DENND5B: variants seen among roughly 807,000 people sequenced by gnomAD.
DENND5B encodes DENN domain-containing protein 5B.
In DENND5B, 34 loss-of-function variants were observed where a neutral mutation model predicts 140.6. The ratio of observed to expected loss-of-function variants is 0.24; its 90% CI spans 0.18 to 0.32. DENND5B has a LOEUF of 0.32. Among genes scored for constraint, DENND5B ranks in the 10% least tolerant of loss-of-function variants. The probability of loss-of-function intolerance (pLI) is 1.00; values close to 1 mark genes in which losing one functional copy is unlikely to be tolerated. For missense variants in DENND5B, 1,142 were observed against 1,560.2 expected (o/e 0.73, Z 4.52); for synonymous variants, 551 against 562.1 (o/e 0.98, Z 0.28).
At chr12:31,578,018 T>C (rs912147412) in intron 1 of DENND5B, among the ~76,000 whole-genome samples, 2 of 151,510 alleles carry the variant, frequency 1.3e-5, no homozygotes, top group South Asian at 2.1e-4. Flanking sequence ...TCCCAGCTAT[T>C]TGGGGGACTG....
intron 1 of DENND5B, among the ~76,000 whole-genome samples, chr12:31,504,413 G>A (rs1947117627): frequency 6.6e-6 from 1 of 152,144 alleles, no homozygotes; most frequent in Non-Finnish European, 1.5e-5. Context: ...CTGGCCTTCT[G>A]GTTGCTTCAC....
intron 1 of DENND5B, among the ~76,000 whole-genome samples, chr12:31,566,383 T>A (rs1162394001): frequency 6.8e-6 from 1 of 147,624 alleles, no homozygotes; most frequent in Non-Finnish European, 1.5e-5. Context: ...ATTCAAGCAA[T>A]ACTTTTATTA....
chr12:31,482,807 T>C (rs1176203037), intron 2 of DENND5B, among the ~76,000 whole-genome samples: 2 of 152,178 alleles, frequency 1.3e-5, no homozygotes, highest in African/African-American at 4.8e-5. Context: ...TTGTCCCCCA[T>C]AATCTATTTC....
chr12:31,586,609 TA>T (rs1355022666), intron 1 of DENND5B, among the ~76,000 whole-genome samples: 1 of 152,212 alleles, frequency 6.6e-6, no homozygotes, highest in Non-Finnish European at 1.5e-5. Context: ...TAGGAGGGTC[TA>T]AAAACCATTT....
chr12:31,526,496 C>T (rs186154061), intron 1 of DENND5B, among the ~76,000 whole-genome samples: 5 of 152,144 alleles, frequency 3.3e-5, no homozygotes, highest in African/African-American at 4.8e-5. Context: ...CCTTTCCTTC[C>T]TTTAGAAATA....
chr12:31,492,791 A>G (rs2138701381), intron 2 of DENND5B, among the ~76,000 whole-genome samples: 1 of 152,340 alleles, frequency 6.6e-6, no homozygotes, highest in Admixed American at 6.5e-5. Context: ...GGACTCTTCC[A>G]AGTCTTATAA....
chr12:31,541,511 C>T (rs895692218), intron 1 of DENND5B, among the ~76,000 whole-genome samples: 1 of 152,120 alleles, frequency 6.6e-6, no homozygotes, highest in African/African-American at 2.4e-5. Flanking sequence ...TAATCTCATC[C>T]CAGTTAAAAT....
Position 31,398,212 on chromosome 12 carries a change from CCT to C in DENND5B, c.3217_3218del (p.Arg1073GlufsTer36). On this transcript the variant is annotated frameshift_variant, in exon 17 of 21. Transcript: ENST00000389082. LOFTEE classifies it high-confidence loss of function. ...CTGTCAGTGAAGTGATGCTCAATCT[CCT>C]AGCCGTGGTGGGTGACTTCTGCTGG... ...PPQQKSPTTA[R>X]RLSITSLTGK... 2 of 1,605,038 alleles carry C rather than the reference CCT, an allele frequency of 1.2e-6. No homozygotes were observed. Among genetic ancestry groups the C allele is most frequent in the East Asian group, 4.5e-5 (2 of 44,594 alleles).
rs1319902784 is a variant in DENND5B at position 31,384,762 on chromosome 12, G to A, written c.*2841C>T. 6.6e-6 allele frequency: 1 copy of A among 151,536 alleles called. No homozygotes were observed. Among genetic ancestry groups the A allele is most frequent in the East Asian group, 1.9e-4 (1 of 5,190 alleles). The allele number at this position is 151,536 out of a possible 1,614,324, so 9.4% of individuals were successfully genotyped here. On this transcript the variant is annotated 3_prime_UTR_variant, in exon 21 of 21. Coordinates refer to ENST00000389082, the MANE Select transcript of DENND5B (RefSeq NM_144973.4). ...GGCCGCAAATCCAACTTTGGCTGCA[G>A]TTTTTTTCTTTTTTTTTTTTTGAGA... is the stretch of plus-strand genomic sequence containing the variant.
At position 31,415,404 on chromosome 12, in the gene DENND5B, AC is replaced by A; in HGVS notation, c.2514del (p.Met838IlefsTer13). 6.2e-7 allele frequency: 1 copy of A among 1,610,844 alleles called. No homozygotes were observed. The highest frequency in any genetic ancestry group is 8.5e-7 in the Non-Finnish European group (1 of 1,178,346). On this transcript the variant is annotated frameshift_variant, in exon 12 of 21. Transcript: ENST00000389082. LOFTEE classifies it high-confidence loss of function. ...ATAAGAGAGACCCTGAGCGTTGGCA[AC>A]ATAACTCCTGAGTCAGATTTTCTTC... is the stretch of plus-strand genomic sequence containing the variant. Reference protein sequence around the residue: ...PERRKSDSGVMLPTLRVSLIQ... With the variant: ...PERRKSDSGVXLPTLRVSLIQ...
At chr12:31,528,594 G>A (rs748132628) in intron 1 of DENND5B, among the ~76,000 whole-genome samples, 1 of 152,138 alleles carries the variant, frequency 6.6e-6, no homozygotes, top group Non-Finnish European at 1.5e-5. Flanking sequence ...GCAATAATAC[G>A]AACAGACCAA....
chr12:31,578,603 A>G (rs1416494763), intron 1 of DENND5B, among the ~76,000 whole-genome samples: 1 of 152,214 alleles, frequency 6.6e-6, no homozygotes, highest in Non-Finnish European at 1.5e-5. Context: ...TAAAAATAAT[A>G]TCATTAGAGG....
At chr12:31,574,267 A>AAAT (rs60548839) in intron 1 of DENND5B, among the ~76,000 whole-genome samples, 1,197 of 89,712 alleles carry the variant, frequency 0.013, 13 homozygotes, top group African/African-American at 0.028. Flanking sequence ...TGTCTCTAAA[A>AAAT]AATAATAATA....
chr12:31,424,095 G>A (rs143729397), intron 10 of DENND5B, among the ~76,000 whole-genome samples: 2 of 152,086 alleles, frequency 1.3e-5, no homozygotes, highest in Admixed American at 6.6e-5. Flanking sequence ...GAAAAAAATC[G>A]AGGTGAGAGG....
chr12:31,441,055 T>G (rs985764815), intron 7 of DENND5B, among the ~76,000 whole-genome samples: 21 of 151,518 alleles, frequency 1.4e-4, no homozygotes, highest in African/African-American at 5.1e-4. Context: ...AAAAAATTTT[T>G]GTAGGGGCTT....
intron 3 of DENND5B, among the ~76,000 whole-genome samples, chr12:31,467,075 A>G (rs2138351172): frequency 6.6e-6 from 1 of 152,218 alleles, no homozygotes; most frequent in South Asian, 2.1e-4. Flanking sequence ...TAAGAGAAAA[A>G]AACTTTTAAC....
intron 1 of DENND5B, among the ~76,000 whole-genome samples, chr12:31,530,141 G>A (rs891007917): frequency 4.6e-5 from 7 of 152,146 alleles, no homozygotes; most frequent in Admixed American, 6.6e-5. Flanking sequence ...GGGAGGCAGC[G>A]GCGGGCAGAT....
At position 31,436,653 on chromosome 12, in the gene DENND5B, G is replaced by A. The variant is rs1408691799; in HGVS notation, c.2013-3405C>T. On this transcript the variant is annotated intron_variant, in intron 7 of 20. Coordinates refer to ENST00000389082, the MANE Select transcript of DENND5B (RefSeq NM_144973.4). ...AGGTTCAAGCAATTCTCCTGCCTCA[G>A]CCTTCCAAGCAGCTGGGATTACAGG... Among the ~76,000 whole-genome samples, 3 of 151,964 alleles carry A rather than the reference G, an allele frequency of 2.0e-5. No homozygotes were observed. The South Asian group carries it at 6.2e-4, about 32-fold the overall frequency.
chr12:31,456,950 GGT>G (rs146634991), intron 4 of DENND5B, among the ~76,000 whole-genome samples: 2 of 152,218 alleles, frequency 1.3e-5, no homozygotes, highest in East Asian at 3.9e-4. Context: ...TGGGTGTGGT[GGT>G]GTGTGCCTCT....
Sources: allele counts gnomAD v4.1 joint callset (sites outside exome capture counted in the v4.1 genomes callset), GRCh38; gene constraint gnomAD v4.1.1; transcripts MANE v1.5; gene names NCBI Gene and HGNC (gene_info 2026-07-23, HGNC 2026-07-21).